The following PTPRE variants were observed in gnomAD, a reference collection of about 807,000 sequenced individuals.
PTPRE encodes the protein receptor-type tyrosine-protein phosphatase epsilon.
A neutral mutation model predicts 102.0 loss-of-function variants in PTPRE; 51 were observed. The observed-to-expected ratio is 0.50, with a 90% CI of 0.40 to 0.63. The LOEUF (loss-of-function observed/expected upper bound fraction) is 0.63, where lower values mean the gene tolerates loss of function less well. PTPRE is among the 30% of genes least tolerant of loss of function. The pLI, the probability that PTPRE is intolerant of heterozygous loss-of-function variation, is 0.00. For synonymous variants in PTPRE, 345 were observed against 348.2 expected, an observed-to-expected ratio of 0.99 and a Z score of 0.10; for missense variants, 752 against 915.1, an observed-to-expected ratio of 0.82 and a Z score of 2.30.
chr10:128,077,566 G>T, intron 18 of PTPRE, 51 bp from the exon 19 acceptor site: 3 of 1,561,586 alleles, frequency 1.9e-6, no homozygotes, highest in Non-Finnish European at 2.6e-6. Context: ...TGGGGCTGGG[G>T]CCTGTTCCCC....
At chr10:128,005,166 C>T (rs1434993436) in intron 2 of PTPRE, among the ~76,000 whole-genome samples, 2 of 152,196 alleles carry the variant, frequency 1.3e-5, no homozygotes, top group African/African-American at 2.4e-5. Flanking sequence ...TTTGAAAATA[C>T]GTTTTCACAT....
intron 4 of PTPRE, 92 bp downstream of exon 4, chr10:128,047,581 G>A (rs1160316713): frequency 9.3e-6 from 15 of 1,612,108 alleles, no homozygotes; most frequent in Non-Finnish European, 1.3e-5. Flanking sequence ...TGCAGCAGAG[G>A]GCAGCTGAGA....
intron 2 of PTPRE, among the ~76,000 whole-genome samples, chr10:128,002,765 C>T (rs952104878): frequency 7.8e-5 from 10 of 128,676 alleles, no homozygotes; most frequent in South Asian, 4.9e-4. Context: ...TGCAGTGGTG[C>T]GATCACGGCT....
rs116580438 is a variant in PTPRE at position 128,077,795 on chromosome 10, G to A, written c.1892+12G>A. ...ACCGTGCACTGCAGGTGAGCCCCCA[G>A]CCCGAAGCCCTCCAGGTGGGGTGGA... is the stretch of plus-strand genomic sequence containing the variant. On this transcript the variant is annotated intron_variant, in intron 19 of 20. Transcript: ENST00000254667. 2.5e-3 allele frequency: 3,943 copies of A among 1,577,030 alleles called. 76 individuals carry two copies. The African/African-American group carries it at 0.044, about 18-fold the overall frequency.
Position 127,908,557 on chromosome 10 carries a change from A to C in PTPRE, c.-31+1248A>C, listed in dbSNP as rs556882132. ...GTCTGACCACCACGGTCACTCAGCC[A>C]GCATGGTATGGGCAGAGCTCTGTGG... On this transcript the variant is annotated intron_variant, in intron 1 of 20. Transcript: ENST00000254667. Among the ~76,000 whole-genome samples, 84 of 152,300 alleles carry C rather than the reference A, an allele frequency of 5.5e-4. 1 individual carries two copies. Among genetic ancestry groups the C allele is most frequent in the African/African-American group, 1.9e-3 (81 of 41,576 alleles).
intron 3 of PTPRE, among the ~76,000 whole-genome samples, chr10:128,046,649 C>T (rs1392458269): frequency 6.6e-6 from 1 of 152,064 alleles, no homozygotes; most frequent in Admixed American, 6.5e-5. Flanking sequence ...GGAGCAGGAA[C>T]AAAGTGCGAC....
In PTPRE at chr10:127,946,622, T is replaced by G. The variant is rs77929325; in HGVS notation, c.-30-35652T>G. On this transcript the variant is annotated intron_variant, in intron 1 of 20. Transcript: ENST00000254667. Reference sequence around the variant, plus strand: ...GCACATTGCACCTGTGCACACTTGCTCATCTGTAATTGTGGGTACAGGGAC... The same window carrying G: ...GCACATTGCACCTGTGCACACTTGCGCATCTGTAATTGTGGGTACAGGGAC... Among the ~76,000 whole-genome samples, 59 of 152,282 alleles carry G rather than the reference T, an allele frequency of 3.9e-4. No homozygotes were observed. The East Asian group carries it at 0.011, about 27-fold the overall frequency.
At chr10:128,072,297 A>G in intron 16 of PTPRE, 83 bp downstream of exon 16, 1 of 1,187,368 alleles carries the variant, frequency 8.4e-7, no homozygotes. Context: ...TGTTTTCACA[A>G]TGAGAAAGAA....
At chr10:128,020,983 C>T (rs550602305) in intron 2 of PTPRE, among the ~76,000 whole-genome samples, 11 of 151,908 alleles carry the variant, frequency 7.2e-5, no homozygotes, top group Non-Finnish European at 1.5e-4. Context: ...CTGCAAGCTC[C>T]GCCTCCCAGG....
At chr10:128,057,449 T>A (rs1218702262) in intron 7 of PTPRE, among the ~76,000 whole-genome samples, 1 of 152,248 alleles carries the variant, frequency 6.6e-6, no homozygotes, top group East Asian at 1.9e-4. Context: ...AGGCAGCCCA[T>A]GTGGGCCCCG....
Position 127,978,643 on chromosome 10 carries a change from G to A in PTPRE, c.-30-3631G>A, listed in dbSNP as rs527989435. On this transcript the variant is annotated intron_variant, in intron 1 of 20. Coordinates refer to ENST00000254667, the MANE Select transcript of PTPRE (RefSeq NM_006504.6). ...AGCCAGGAGTGGGTTCAGCAGCCCC[G>A]GGCCGGCATTGCCGCTGCCCTGTCT... 5.0e-4 allele frequency among the ~76,000 whole-genome samples: 76 copies of A among 152,292 alleles called. No individual in the cohort carries two copies. The East Asian group carries it at 6.6e-3, about 13-fold the overall frequency.
chr10:127,976,859 G>A (rs1210729800), intron 1 of PTPRE, among the ~76,000 whole-genome samples: 1 of 152,184 alleles, frequency 6.6e-6, no homozygotes, highest in Admixed American at 6.5e-5. Flanking sequence ...CGAATCTGAA[G>A]CCTAGATGAT....
At chr10:127,959,014 G>T (rs1466867184) in intron 1 of PTPRE, among the ~76,000 whole-genome samples, 3 of 150,590 alleles carry the variant, frequency 2.0e-5, no homozygotes, top group Non-Finnish European at 4.4e-5. Flanking sequence ...CTCCCATCTC[G>T]GCCTCCCGAA....
chr10:127,940,215 C>T (rs1490070284), intron 1 of PTPRE, among the ~76,000 whole-genome samples: 2 of 152,240 alleles, frequency 1.3e-5, no homozygotes, highest in African/African-American at 4.8e-5. Flanking sequence ...CCTATACACC[C>T]ATCCCAGGAC....
At chr10:127,942,910 T>C (rs1478428957) in intron 1 of PTPRE, among the ~76,000 whole-genome samples, 4 of 152,182 alleles carry the variant, frequency 2.6e-5, no homozygotes, top group Non-Finnish European at 5.9e-5. Flanking sequence ...AAAAAACTCA[T>C]ACAAGAGCAG....
chr10:128,072,116 A>C, intron 15 of PTPRE, 22 bp from the exon 16 acceptor site: 1 of 1,608,512 alleles, frequency 6.2e-7, no homozygotes. Flanking sequence ...TGTAATAACT[A>C]AAGGAAGATA....
At chr10:127,922,424 G>T (rs1254645387) in intron 1 of PTPRE, among the ~76,000 whole-genome samples, 1 of 152,232 alleles carries the variant, frequency 6.6e-6, no homozygotes, top group Non-Finnish European at 1.5e-5. Context: ...GACTCCGTGG[G>T]GCAAGGGGGC....
At chr10:128,063,412 T>C (rs530324272) in intron 10 of PTPRE, among the ~76,000 whole-genome samples, 2 of 152,340 alleles carry the variant, frequency 1.3e-5, no homozygotes, top group East Asian at 3.9e-4. Flanking sequence ...CACAAGAGTT[T>C]CCTTTTTTTC....
In PTPRE at chr10:127,976,969, C is replaced by A. The variant is rs112995505; in HGVS notation, c.-30-5305C>A. 4.5e-3 allele frequency among the ~76,000 whole-genome samples: 678 copies of A among 152,294 alleles called. 2 individuals are homozygous for A. The highest frequency in any genetic ancestry group is 0.016 in the African/African-American group (654 of 41,550). ...GAGACAGCCGCAGGGGCCGTGGCTG[C>A]GGTTCTGTCCATTCCCCACTACACT... On this transcript the variant is annotated intron_variant, in intron 1 of 20. Transcript: ENST00000254667.
Sources: gnomAD v4.1 joint callset for allele counts (sites outside exome capture counted in the v4.1 genomes callset) on GRCh38, gnomAD v4.1.1 for gene constraint, MANE v1.5 for transcripts, NCBI Gene and HGNC (gene_info 2026-07-23, HGNC 2026-07-21) for gene names.